ELAVL2: variants seen among roughly 807,000 people sequenced by gnomAD.
The protein encoded by ELAVL2 is ELAV like RNA binding protein 2, also known as ELAV-like protein 2.
Under a neutral mutation model 34.6 loss-of-function variants are expected in ELAVL2, and 4 were observed. The ratio of observed to expected loss-of-function variants is 0.12; its 90% confidence interval spans 0.06 to 0.26. ELAVL2 has a LOEUF of 0.26. ELAVL2 is among the 10% of genes least tolerant of loss of function. The pLI, the probability that ELAVL2 is intolerant of heterozygous loss-of-function variation, is 1.00. For synonymous variants in ELAVL2, 193 were observed against 154.8 expected (o/e 1.25, Z -1.83); for missense variants, 432 against 442.8 (o/e 0.98, Z 0.22).
At chr9:23,807,233 A>T (rs1292688361) in intron 1 of ELAVL2, among the ~76,000 whole-genome samples, 2 of 152,164 alleles carry the variant, frequency 1.3e-5, no homozygotes, top group African/African-American at 2.4e-5. Context: ...CACTATTTTA[A>T]AATATCATAT....
At chr9:23,779,152 T>C (rs2058688317) in intron 1 of ELAVL2, 7 of 976,350 alleles carry the variant, frequency 7.2e-6, no homozygotes, top group Non-Finnish European at 8.5e-6. Flanking sequence ...CTAAAAACTG[T>C]CTCATGACAA....
intron 4 of ELAVL2, among the ~76,000 whole-genome samples, chr9:23,703,581 A>G (rs908686421): frequency 6.6e-6 from 1 of 152,190 alleles, no homozygotes; most frequent in East Asian, 1.9e-4. Context: ...CCAATTAACA[A>G]CACAGAGGCA....
intron 1 of ELAVL2, among the ~76,000 whole-genome samples, chr9:23,765,400 T>C (rs2056012614): frequency 2.6e-5 from 4 of 152,160 alleles, no homozygotes; most frequent in Admixed American, 6.6e-5. Context: ...AAAAATAAAG[T>C]AAAATAAAGC....
intron 1 of ELAVL2, among the ~76,000 whole-genome samples, chr9:23,769,202 C>T (rs2056871600): frequency 6.6e-6 from 1 of 152,056 alleles, no homozygotes; most frequent in Non-Finnish European, 1.5e-5. Context: ...ACATACAAAA[C>T]ACAAACAAAC....
At chr9:23,748,600 A>G (rs2051110190) in intron 2 of ELAVL2, among the ~76,000 whole-genome samples, 1 of 152,198 alleles carries the variant, frequency 6.6e-6, no homozygotes, top group African/African-American at 2.4e-5. Context: ...GAAACCAGGC[A>G]GAACAACTGC....
the ELAVL2 span, among the ~76,000 whole-genome samples, chr9:23,838,409 A>G: frequency 6.6e-6 from 1 of 152,258 alleles, no homozygotes; most frequent in East Asian, 1.9e-4. Flanking sequence ...GACAACTTAG[A>G]TAAAGAGAGA....
chr9:23,780,677 A>C (rs1421233752), intron 1 of ELAVL2, among the ~76,000 whole-genome samples: 1 of 152,228 alleles, frequency 6.6e-6, no homozygotes, highest in East Asian at 1.9e-4. Flanking sequence ...TGTGTAACAC[A>C]CAGCAGCACC....
At chr9:23,720,037 C>T (rs905784699) in intron 3 of ELAVL2, among the ~76,000 whole-genome samples, 1 of 151,848 alleles carries the variant, frequency 6.6e-6, no homozygotes, top group Non-Finnish European at 1.5e-5. Flanking sequence ...ACATTGTCCA[C>T]GCTGATCTCA....
chr9:23,809,245 C>A (rs986692077), intron 1 of ELAVL2, among the ~76,000 whole-genome samples: 1 of 152,064 alleles, frequency 6.6e-6, no homozygotes, highest in African/African-American at 2.4e-5. Context: ...TATTTTCTCA[C>A]GTTTACACCA....
chr9:23,727,304 C>T (rs562759518), intron 3 of ELAVL2, among the ~76,000 whole-genome samples: 168 of 152,224 alleles, frequency 1.1e-3, no homozygotes, highest in African/African-American at 4.0e-3. Context: ...AAACAAACAG[C>T]ATCCTACTAT....
At chr9:23,820,926 G>A (rs550881689) in intron 1 of ELAVL2, among the ~76,000 whole-genome samples, 6 of 152,114 alleles carry the variant, frequency 3.9e-5, no homozygotes, top group African/African-American at 1.2e-4. Flanking sequence ...CGGCTGCGAC[G>A]GGCCTCACCT....
At chr9:23,709,779 G>C (rs2040437661) in intron 3 of ELAVL2, among the ~76,000 whole-genome samples, 1 of 152,148 alleles carries the variant, frequency 6.6e-6, no homozygotes, top group Admixed American at 6.5e-5. Flanking sequence ...TTTAATGCAT[G>C]AGAAGCAAGG....
intron 1 of ELAVL2, among the ~76,000 whole-genome samples, chr9:23,769,899 T>G (rs2056992505): frequency 6.6e-6 from 1 of 152,162 alleles, no homozygotes; most frequent in African/African-American, 2.4e-5. Context: ...TTCAAAAGCT[T>G]TGAGGTTAGA....
At chr9:23,782,680 A>T (rs553241268) in intron 1 of ELAVL2, among the ~76,000 whole-genome samples, 1 of 152,324 alleles carries the variant, frequency 6.6e-6, no homozygotes, top group Admixed American at 6.5e-5. Context: ...GCCTGAAGAC[A>T]ATTAGCGTAC....
At chr9:23,752,825 A>T (rs750233490) in intron 2 of ELAVL2, among the ~76,000 whole-genome samples, 2 of 151,978 alleles carry the variant, frequency 1.3e-5, no homozygotes, top group Non-Finnish European at 2.9e-5. Flanking sequence ...GGCATAAGGT[A>T]AATCTTTGTT....
Position 23,786,802 on chromosome 9 carries a change from A to AAAAAAAAAAAAAAAAC in ELAVL2, c.-15-24554_-15-24553insGTTTTTTTTTTTTTTT, listed in dbSNP as rs1554747169. 2.2e-3 allele frequency among the ~76,000 whole-genome samples: 274 copies of AAAAAAAAAAAAAAAAC among 127,276 alleles called. 4 individuals are homozygous for AAAAAAAAAAAAAAAAC. The highest frequency in any genetic ancestry group is 5.3e-3 in the East Asian group (22 of 4,144). 83.5% of individuals were successfully genotyped at this position (127,276 alleles called of 152,430 possible). A position where few individuals can be genotyped will look rare whatever the true frequency, so the allele number is the denominator to read the frequency against. On this transcript the variant is annotated intron_variant, in intron 1 of 6. Coordinates refer to ENST00000397312, the MANE Select transcript of ELAVL2 (RefSeq NM_004432.5). ...GTGGCAAAAAAAAAAAAAAAAAAAA[A>AAAAAAAAAAAAAAAAC]AGAGAGAGAGAGAAAGGAAAGCCTT...
intron 2 of ELAVL2, among the ~76,000 whole-genome samples, chr9:23,743,173 G>T (rs2049686032): frequency 1.3e-5 from 2 of 152,146 alleles, no homozygotes; most frequent in African/African-American, 2.4e-5. Context: ...ACAGAAATAA[G>T]TATCAATTTT....
intron 2 of ELAVL2, among the ~76,000 whole-genome samples, chr9:23,748,091 G>C (rs1271904177): frequency 6.7e-6 from 1 of 150,364 alleles, no homozygotes; most frequent in Non-Finnish European, 1.5e-5. Flanking sequence ...TGTTCCAGTG[G>C]TCTAAAAAAA....
At chr9:23,771,614 A>G (rs1009922490) in intron 1 of ELAVL2, among the ~76,000 whole-genome samples, 4 of 152,248 alleles carry the variant, frequency 2.6e-5, no homozygotes, top group South Asian at 2.1e-4. Flanking sequence ...TAAAATCACA[A>G]ATCAGTAGCT....
Sources: allele counts gnomAD v4.1 joint callset (sites outside exome capture counted in the v4.1 genomes callset), GRCh38; gene constraint gnomAD v4.1.1; transcripts MANE v1.5; gene names NCBI Gene and HGNC (gene_info 2026-07-23, HGNC 2026-07-21).